The following NRIP2 variants were observed in gnomAD, a reference collection of about 807,000 sequenced individuals.
NRIP2 encodes nuclear receptor-interacting protein 2.
Under a neutral mutation model 34.1 loss-of-function variants are expected in NRIP2, and 27 were observed. The ratio of observed to expected loss-of-function variants is 0.79; its 90% CI spans 0.58 to 1.09. The LOEUF (loss-of-function observed/expected upper bound fraction) is 1.09, where lower values mean the gene tolerates loss of function less well. NRIP2 is among the 50% of genes least tolerant of loss of function. The pLI is 0.00. For synonymous variants in NRIP2, 145 were observed against 146.9 expected (o/e 0.99, Z 0.09); for missense variants, 385 against 352.6 (o/e 1.09, Z -0.74).
In NRIP2 at chr12:2,834,916, C is replaced by G; in HGVS notation, c.68G>C (p.Gly23Ala). 6.2e-7 allele frequency: 1 copy of G among 1,613,552 alleles called. No homozygotes were observed. The highest frequency in any genetic ancestry group is 8.5e-7 in the Non-Finnish European group (1 of 1,179,808). The change falls in exon 1 of 6, where the codon GGA becomes GCA. Residue 23 changes from glycine (G) to alanine (A), a missense_variant. Coordinates refer to ENST00000337508, the MANE Select transcript of NRIP2 (RefSeq NM_031474.3). Reference protein sequence around the residue: ...PSCWKESCSTGQRQAGRSRED... With the variant: ...PSCWKESCSTAQRQAGRSRED... ...TCTGCTTCTTCCTGCCTGTCTCTGT[C>G]CCGTGCTGCAGCTCTCTTTCCAACA...
Position 2,830,855 on chromosome 12 carries a change from C to G in NRIP2, c.348G>C (p.Pro116=). 6.2e-7 allele frequency: 1 copy of G among 1,612,224 alleles called. No homozygotes were observed. Among genetic ancestry groups the G allele is most frequent in the Non-Finnish European group, 8.5e-7 (1 of 1,179,222 alleles). ...CCAGGCGTCTTTGGATCACACTGCG[C>G]GGCTGCTGGCTCCATCACAAAACAA... ...KRLGTSKDLQ[P]RSVIQRRLVE... The change falls in exon 2 of 6, where the codon CCG becomes CCC. Residue 116 remains proline (P), a synonymous_variant. Coordinates refer to ENST00000337508, the MANE Select transcript of NRIP2 (RefSeq NM_031474.3).
intron 1 of NRIP2, among the ~76,000 whole-genome samples, chr12:2,831,776 CTTTCAAGATGGGATCTTGCTAT>C (rs1228486899): frequency 6.6e-6 from 1 of 151,724 alleles, no homozygotes; most frequent in African/African-American, 2.4e-5. Context: ...TTTTTCTTTT[CTTTCAAGATGGGATCTTGCTAT>C]GCTGCCCAGA....
chr12:2,831,839 C>T (rs1383840904), intron 1 of NRIP2, among the ~76,000 whole-genome samples: 1 of 152,144 alleles, frequency 6.6e-6, no homozygotes, highest in Non-Finnish European at 1.5e-5. Context: ...TCAAGGCATT[C>T]TCTAGCCTCA....
At chr12:2,829,042 A>C (rs2097985825) in intron 2 of NRIP2, among the ~76,000 whole-genome samples, 1 of 152,130 alleles carries the variant, frequency 6.6e-6, no homozygotes, top group Non-Finnish European at 1.5e-5. Context: ...TCTACAAAAA[A>C]TAAAATGGAA....
Position 2,830,323 on chromosome 12 carries a change from A to G in NRIP2, c.495+385T>C, listed in dbSNP as rs191933112. On this transcript the variant is annotated intron_variant, in intron 2 of 5. Coordinates refer to ENST00000337508, the MANE Select transcript of NRIP2 (RefSeq NM_031474.3). ...AGTGGGAATTTATTGCGAATGTTCA[A>G]TAGTGACTGAGTGGTTAAGTGGTTC... The G allele has an allele frequency of 1.9e-3, 316 of 163,120 alleles. 1 individual carries two copies. Among genetic ancestry groups the G allele is most frequent in the African/African-American group, 7.2e-3 (300 of 41,954 alleles). 10.1% of individuals were successfully genotyped at this position (163,120 alleles called of 1,614,324 possible).
Position 2,826,483 on chromosome 12 carries a change from C to T in NRIP2, c.*724G>A, listed in dbSNP as rs1333466860. ...GCAAGGCTCAGGGGCTCGGTGGGTACAAAAAGCCAGTGGAAACGGATAAAT... is the reference window on the plus strand; with the variant it reads ...GCAAGGCTCAGGGGCTCGGTGGGTATAAAAAGCCAGTGGAAACGGATAAAT... On this transcript the variant is annotated 3_prime_UTR_variant, in exon 6 of 6. Coordinates refer to ENST00000337508, the MANE Select transcript of NRIP2 (RefSeq NM_031474.3). 1 of 151,958 alleles carries T rather than the reference C, an allele frequency of 6.6e-6. No individual in the cohort carries two copies. Among genetic ancestry groups the T allele is most frequent in the Non-Finnish European group, 1.5e-5 (1 of 68,052 alleles). The allele number at this position is 151,958 out of a possible 1,614,324, so 9.4% of individuals were successfully genotyped here. A position where few individuals can be genotyped will look rare whatever the true frequency, so the allele number is the denominator to read the frequency against.
At chr12:2,833,718 A>G (rs1342739049) in intron 1 of NRIP2, among the ~76,000 whole-genome samples, 1 of 152,150 alleles carries the variant, frequency 6.6e-6, no homozygotes, top group East Asian at 1.9e-4. Flanking sequence ...TAAATGGAGT[A>G]ATAGCTGGGG....
intron 1 of NRIP2, among the ~76,000 whole-genome samples, chr12:2,834,035 A>G (rs1165205509): frequency 6.6e-6 from 1 of 152,114 alleles, no homozygotes; most frequent in Non-Finnish European, 1.5e-5. Flanking sequence ...CCCCTGCCCC[A>G]TTCCTCTGAG....
chr12:2,831,841 C>G (rs924987559), intron 1 of NRIP2, among the ~76,000 whole-genome samples: 1 of 152,150 alleles, frequency 6.6e-6, no homozygotes, highest in African/African-American at 2.4e-5. Context: ...AAGGCATTCT[C>G]TAGCCTCAGC....
Position 2,830,844 on chromosome 12 carries a change from A to G in NRIP2, c.359T>C (p.Ile120Thr), listed in dbSNP as rs2097998129. The G allele has an allele frequency of 6.2e-7, 1 of 1,613,262 alleles. No homozygotes were observed. Among genetic ancestry groups the G allele is most frequent in the Non-Finnish European group, 8.5e-7 (1 of 1,179,768 alleles). The change falls in exon 2 of 6, where the codon ATC becomes ACC. Residue 120 changes from isoleucine to threonine, a missense_variant. Physicochemically the swap from Ile to Thr is moderately conservative, Grantham distance 89. Transcript: ENST00000337508. ...GTTTCCCTCCACCAGGCGTCTTTGG[A>G]TCACACTGCGCGGCTGCTGGCTCCA... ...TSKDLQPRSV[I>T]QRRLVEGNPN...
In NRIP2 at chr12:2,827,410, C is replaced by T. The variant is rs906013973; in HGVS notation, c.754-111G>A. ...CCACAGCTTCCACCTGCCTTTTGCT[C>T]TTCCCCCATCCCCATTTCCCTAGAC... On this transcript the variant is annotated intron_variant, in intron 5 of 5. Transcript: ENST00000337508. The surrounding 1 kb of genome is among the most constrained non-coding windows in gnomAD (Gnocchi z 4.0). The T allele has an allele frequency of 3.3e-6, 5 of 1,520,844 alleles. No homozygotes were observed. The highest frequency in any genetic ancestry group is 1.4e-5 in the African/African-American group (1 of 71,796). 94.2% of individuals were successfully genotyped at this position (1,520,844 alleles called of 1,614,324 possible).
Position 2,829,898 on chromosome 12 carries a change from A to G in NRIP2, c.495+810T>C, listed in dbSNP as rs55893327. Among the ~76,000 whole-genome samples the G allele has an allele frequency of 9.1e-5, 13 of 142,978 alleles. 1 individual carries two copies. In the East Asian group the frequency reaches 2.7e-3, roughly 30 times the overall value. 93.8% of individuals were successfully genotyped at this position (142,978 alleles called of 152,430 possible). A position where few individuals can be genotyped will look rare whatever the true frequency, so the allele number is the denominator to read the frequency against. ...TTTGAGACCAGCCTGACCAACCTGG[A>G]GAAACCCCATCTCTACTAAAAATAC... is the stretch of plus-strand genomic sequence containing the variant. On this transcript the variant is annotated intron_variant, in intron 2 of 5. Coordinates refer to ENST00000337508, the MANE Select transcript of NRIP2 (RefSeq NM_031474.3).
At chr12:2,828,514 A>G in intron 2 of NRIP2, 100 bp from the exon 3 acceptor site, 1 of 906,464 alleles carries the variant, frequency 1.1e-6, no homozygotes, top group East Asian at 2.4e-5. Context: ...CCTCCTAGAA[A>G]TGAGTGGAGA....
At position 2,827,230 on chromosome 12, in the gene NRIP2, A is replaced by G. The variant is rs2153925598; in HGVS notation, c.823T>C (p.Leu275=). ...AGTCACTGGCCAGGCTCTTGGTACA[A>G]AGGCAGGAAGGGTAGCTCTGAGAAC... ...APFSELPFLP[L]YQEPGQ Residue 275 remains leucine (L), a synonymous_variant, in exon 6 of 6, where the codon TTG becomes CTG. Transcript: ENST00000337508. The surrounding 1 kb of genome is among the most constrained non-coding windows in gnomAD (Gnocchi z 4.0). 6.2e-7 allele frequency: 1 copy of G among 1,614,096 alleles called. No individual in the cohort carries two copies.
chr12:2,828,022 A>G lies in NRIP2; in HGVS notation c.604T>C (p.Ser202Pro). 6.2e-7 allele frequency: 1 copy of G among 1,614,046 alleles called. No individual in the cohort carries two copies. Among genetic ancestry groups the G allele is most frequent in the Non-Finnish European group, 8.5e-7 (1 of 1,179,980 alleles). ...LGLEKRVLKASAGDLAPGPPT... is the reference protein window; with the variant it reads ...LGLEKRVLKAPAGDLAPGPPT... Reference sequence around the variant, plus strand: ...GGCCCAGGGGCCAGGTCCCCAGCTGAGGCTTTTAGGACCCTTTTCTCTAAC... The same window carrying G: ...GGCCCAGGGGCCAGGTCCCCAGCTGGGGCTTTTAGGACCCTTTTCTCTAAC... Residue 202 changes from serine (S) to proline (P), a missense_variant, in exon 4 of 6, where the codon TCA (serine) becomes CCA (proline). Coordinates refer to ENST00000337508, the MANE Select transcript of NRIP2 (RefSeq NM_031474.3).
Position 2,826,618 on chromosome 12 carries a change from G to A in NRIP2, c.*589C>T, listed in dbSNP as rs889422742. ...GAAAAAATAGCTCTCAGCCTTATGAGATGGACATTCCTATACTAACTCCCG... is the reference window on the plus strand; with the variant it reads ...GAAAAAATAGCTCTCAGCCTTATGAAATGGACATTCCTATACTAACTCCCG... On this transcript the variant is annotated 3_prime_UTR_variant, in exon 6 of 6. Coordinates refer to ENST00000337508, the MANE Select transcript of NRIP2 (RefSeq NM_031474.3). 1.5e-4 allele frequency: 23 copies of A among 153,448 alleles called. No homozygotes were observed. The highest frequency in any genetic ancestry group is 4.1e-4 in the African/African-American group (17 of 41,464). The allele number at this position is 153,448 out of a possible 1,614,324, so 9.5% of individuals were successfully genotyped here. A position where few individuals can be genotyped will look rare whatever the true frequency, so the allele number is the denominator to read the frequency against.
Position 2,827,104 on chromosome 12 carries a change from G to A in NRIP2, c.*103C>T. ...GGTCAGGGAGGTGATTGGAAGGGCA[G>A]ACACCATAGTCCCCAGCTACCTGGC... On this transcript the variant is annotated 3_prime_UTR_variant, in exon 6 of 6. Transcript: ENST00000337508. The surrounding 1 kb of genome is among the most constrained non-coding windows in gnomAD (Gnocchi z 4.0). 6.4e-7 allele frequency: 1 copy of A among 1,564,116 alleles called. No homozygotes were observed. Among genetic ancestry groups the A allele is most frequent in the South Asian group, 1.2e-5 (1 of 84,844 alleles).
intron 2 of NRIP2, among the ~76,000 whole-genome samples, chr12:2,829,086 A>T (rs1344618658): frequency 6.6e-6 from 1 of 152,158 alleles, no homozygotes; most frequent in Non-Finnish European, 1.5e-5. Flanking sequence ...TGGGTTCATA[A>T]GTTTGGGGAA....
At chr12:2,828,439 T>C in intron 2 of NRIP2, 25 bp from the exon 3 acceptor site, 1 of 1,579,736 alleles carries the variant, frequency 6.3e-7, no homozygotes, top group Non-Finnish European at 8.7e-7. Context: ...TCGTGGTGAA[T>C]CAGTGAGTCC....
Sources: gnomAD v4.1 joint callset for allele counts (sites outside exome capture counted in the v4.1 genomes callset) on GRCh38, gnomAD v4.1.1 for gene constraint, Gnocchi (gnomAD v3.1) non-coding constraint, MANE v1.5 for transcripts, NCBI Gene and HGNC (gene_info 2026-07-23, HGNC 2026-07-21) for gene names.